ANO4: variants seen among roughly 807,000 people sequenced by gnomAD.
ANO4 encodes the protein anoctamin-4.
A neutral mutation model predicts 141.9 loss-of-function variants in ANO4; 69 were observed. That is an observed-to-expected ratio of 0.49 (90% CI 0.40 to 0.59). The LOEUF (loss-of-function observed/expected upper bound fraction) is 0.59, where lower values mean the gene tolerates loss of function less well. Among genes scored for constraint, ANO4 ranks in the 20% least tolerant of loss-of-function variants. The pLI is 0.00. For missense variants in ANO4, 894 were observed against 1,162.2 expected, an observed-to-expected ratio of 0.77 and a Z score of 3.36; for synonymous variants, 350 against 394.3, an observed-to-expected ratio of 0.89 and a Z score of 1.33.
At chr12:100,883,808 C>T (rs374709855) in intron 1 of ANO4, among the ~76,000 whole-genome samples, 30 of 152,112 alleles carry the variant, frequency 2.0e-4, no homozygotes, top group Non-Finnish European at 2.6e-4. Context: ...AGAATGAAAA[C>T]GTGGATATGT....
At chr12:100,734,582 C>A (rs577258570) in intron 2 of ANO4, among the ~76,000 whole-genome samples, 2 of 152,328 alleles carry the variant, frequency 1.3e-5, no homozygotes, top group African/African-American at 2.4e-5. Context: ...AATCAGAACT[C>A]TATGAGCAAG....
intron 14 of ANO4, among the ~76,000 whole-genome samples, chr12:101,064,377 T>C (rs1219591496): frequency 6.6e-6 from 1 of 152,204 alleles, no homozygotes; most frequent in Non-Finnish European, 1.5e-5. Flanking sequence ...TTGTGTGGTT[T>C]CAGTTCTTTT....
At position 100,939,327 on chromosome 12, in the gene ANO4, T is replaced by C. The variant is rs746227599; in HGVS notation, c.173T>C (p.Val58Ala). ...ACTTTGGTTCTAGTGGCCAAGGATGTCAATATTCTTTTTGATGAATTAGAA... is the reference window on the plus strand; with the variant it reads ...ACTTTGGTTCTAGTGGCCAAGGATGCCAATATTCTTTTTGATGAATTAGAA... ...LNAIQEMAKD[V>A]NILFDELEAV... The change falls in exon 4 of 28, where the codon GTC (valine) becomes GCC (alanine). Residue 58 changes from valine (V) to alanine (A), a missense_variant. Val to Ala is a moderately conservative substitution (Grantham distance 64). This residue lies in a region of ANO4 where 257 missense variants were observed against 253.0 expected (regional missense o/e 1.02). Coordinates refer to ENST00000392977, the MANE Select transcript of ANO4 (RefSeq NM_001286615.2). The C allele has an allele frequency of 4.3e-6, 7 of 1,613,318 alleles. No homozygotes were observed. Among genetic ancestry groups the C allele is most frequent in the Non-Finnish European group, 5.9e-6 (7 of 1,179,420 alleles).
At chr12:101,065,748 CAA>C (rs1450910067) in intron 14 of ANO4, among the ~76,000 whole-genome samples, 1 of 152,094 alleles carries the variant, frequency 6.6e-6, no homozygotes, top group Non-Finnish European at 1.5e-5. Flanking sequence ...GGAATATTTC[CAA>C]ACTCATTCTA....
chr12:100,829,492 T>C (rs2036530219), intron 1 of ANO4, among the ~76,000 whole-genome samples: 1 of 152,128 alleles, frequency 6.6e-6, no homozygotes, highest in African/African-American at 2.4e-5. Context: ...TCAGTCCTAG[T>C]GGAGGAATTT....
intron 22 of ANO4, among the ~76,000 whole-genome samples, chr12:101,100,414 T>C (rs1413207194): frequency 6.6e-6 from 1 of 152,216 alleles, no homozygotes; most frequent in Non-Finnish European, 1.5e-5. Flanking sequence ...AATAGTAGAA[T>C]TGATGCTTAA....
At chr12:100,912,194 G>A (rs903931409) in intron 2 of ANO4, among the ~76,000 whole-genome samples, 11 of 151,838 alleles carry the variant, frequency 7.2e-5, no homozygotes, top group Admixed American at 2.6e-4. Flanking sequence ...TCAGGAGTTC[G>A]AGACCAGCCT....
chr12:101,005,094 AC>A (rs1285700395), intron 8 of ANO4, among the ~76,000 whole-genome samples: 1 of 152,196 alleles, frequency 6.6e-6, no homozygotes, highest in Non-Finnish European at 1.5e-5. Flanking sequence ...CTAAGATCAG[AC>A]TAAGATGGAG....
chr12:100,739,874 G>T, exon 3 of ANO4: 1 of 702,562 alleles, frequency 1.4e-6, no homozygotes, highest in Non-Finnish European at 2.6e-6. Flanking sequence ...TGCGGGGCCT[G>T]TGGCAATTGG....
chr12:100,791,519 T>A (rs1292998057), upstream of ANO4, among the ~76,000 whole-genome samples: 1 of 152,210 alleles, frequency 6.6e-6, no homozygotes, highest in Non-Finnish European at 1.5e-5. Context: ...TAGGAATTCA[T>A]TTTTTGTTGC....
At chr12:100,915,076 C>T (rs1333450253) in intron 2 of ANO4, among the ~76,000 whole-genome samples, 1 of 152,116 alleles carries the variant, frequency 6.6e-6, no homozygotes, top group Non-Finnish European at 1.5e-5. Context: ...CTGGCTCAGC[C>T]TCCTGCAGCT....
intron 1 of ANO4, among the ~76,000 whole-genome samples, chr12:100,891,671 CAT>C (rs750043138): frequency 2.6e-5 from 4 of 151,938 alleles, no homozygotes; most frequent in Non-Finnish European, 4.4e-5. Flanking sequence ...TCATTTATAA[CAT>C]AAAGTTTTGA....
chr12:101,121,985 C>T (rs1227219603), intron 26 of ANO4, among the ~76,000 whole-genome samples: 1 of 152,136 alleles, frequency 6.6e-6, no homozygotes, highest in East Asian at 1.9e-4. Context: ...TGGTCTTAAC[C>T]TGACCTCATG....
At chr12:100,947,911 T>C (rs1566044180) in intron 5 of ANO4, among the ~76,000 whole-genome samples, 1 of 152,062 alleles carries the variant, frequency 6.6e-6, no homozygotes, top group East Asian at 1.9e-4. Context: ...AGGCAGGGCA[T>C]GGTGGCTCAT....
intron 3 of ANO4, among the ~76,000 whole-genome samples, chr12:100,936,533 C>A (rs1592767325): frequency 6.6e-6 from 1 of 152,256 alleles, no homozygotes; most frequent in East Asian, 1.9e-4. Context: ...AGAAGATGAC[C>A]TGATATTTTC....
At chr12:100,858,072 TAAATG>T (rs1191050494) in intron 1 of ANO4, among the ~76,000 whole-genome samples, 1 of 152,146 alleles carries the variant, frequency 6.6e-6, no homozygotes, top group Non-Finnish European at 1.5e-5. Flanking sequence ...AGCGATTTCT[TAAATG>T]AAGGTGATAA....
In ANO4 at chr12:101,003,427, A is replaced by G. The variant is rs117739495; in HGVS notation, c.734+15757A>G. Among the ~76,000 whole-genome samples, 85 of 152,378 alleles carry G rather than the reference A, an allele frequency of 5.6e-4. No individual in the cohort carries two copies. In the East Asian group the frequency reaches 0.015, roughly 28 times the overall value. On this transcript the variant is annotated intron_variant, in intron 8 of 27. Coordinates refer to ENST00000392977, the MANE Select transcript of ANO4 (RefSeq NM_001286615.2). ...CACTCTGTGTGCCAAAACAAGCCTT[A>G]TGACCAAGCATAGTATCAATGTGGT...
intron 1 of ANO4, among the ~76,000 whole-genome samples, chr12:100,883,794 AT>A (rs1182418767): frequency 6.6e-6 from 1 of 152,270 alleles, no homozygotes; most frequent in African/African-American, 2.4e-5. Flanking sequence ...AAAAAAGATC[AT>A]ATAGAATGAA....
chr12:101,089,819 A>C (rs1368487916), intron 17 of ANO4, among the ~76,000 whole-genome samples: 2 of 152,198 alleles, frequency 1.3e-5, no homozygotes, highest in African/African-American at 4.8e-5. Flanking sequence ...CAACCTACAG[A>C]ATGGGAGAAA....
Sources: allele counts gnomAD v4.1 joint callset (sites outside exome capture counted in the v4.1 genomes callset), GRCh38; gene constraint gnomAD v4.1.1; regional missense constraint gnomAD v4.1.1; transcripts MANE v1.5; gene names NCBI Gene and HGNC (gene_info 2026-07-23, HGNC 2026-07-21).